The following SORCS2 variants were observed in gnomAD, a reference collection of about 807,000 sequenced individuals.
SORCS2 encodes VPS10 domain-containing receptor SorCS2.
SORCS2 carries 100 observed loss-of-function variants against 141.6 expected under a neutral mutation model. The observed-to-expected ratio is 0.71, with a 90% confidence interval of 0.60 to 0.83. The LOEUF (loss-of-function observed/expected upper bound fraction) is 0.83. Ranked by LOEUF, SORCS2 falls within the 40% of genes least tolerant of loss-of-function variation. The pLI, the probability that SORCS2 is intolerant of heterozygous loss-of-function variation, is 0.00. For synonymous variants in SORCS2, 789 were observed against 676.9 expected, an observed-to-expected ratio of 1.17 and a Z score of -2.57; for missense variants, 1,646 against 1,560.2, an observed-to-expected ratio of 1.05 and a Z score of -0.93.
chr4:7,374,599 G>A (rs562637501), intron 1 of SORCS2, among the ~76,000 whole-genome samples: 90 of 152,256 alleles, frequency 5.9e-4, no homozygotes, highest in African/African-American at 1.8e-3. Context: ...TCTGTGCCAC[G>A]TCCAGGCCTT....
chr4:7,738,706 C>G (rs546799137), intron 26 of SORCS2, among the ~76,000 whole-genome samples: 3 of 152,154 alleles, frequency 2.0e-5, no homozygotes, highest in Non-Finnish European at 4.4e-5. Flanking sequence ...AGAACGTGAG[C>G]GGCGGAAACC....
At chr4:7,726,727 C>G in intron 20 of SORCS2, 53 bp from the exon 21 acceptor site, 1 of 1,592,260 alleles carries the variant, frequency 6.3e-7, no homozygotes, top group African/African-American at 1.3e-5. Context: ...CAGCGTCCCC[C>G]ACGGCCGCTG....
rs144109830 is a variant in SORCS2, at chr4:7,576,433, C to T, written c.648+44804C>T. Among the ~76,000 whole-genome samples the T allele has an allele frequency of 4.0e-3, 615 of 152,318 alleles. 4 individuals are homozygous for T. Among genetic ancestry groups the T allele is most frequent in the African/African-American group, 0.014 (574 of 41,564 alleles). On this transcript the variant is annotated intron_variant, in intron 3 of 26. Transcript: ENST00000507866. ...TTTAGGAAAAGAAAGCGATAGGAAA[C>T]GACAAAGCAAGTCACAACAGCCATC...
intron 1 of SORCS2, among the ~76,000 whole-genome samples, chr4:7,293,302 TAAA>T (rs74517356): frequency 8.6e-5 from 11 of 127,544 alleles, no homozygotes; most frequent in Non-Finnish European, 6.8e-5. Flanking sequence ...AGACTCCATC[TAAA>T]AAAAAAAAAA....
chr4:7,416,948 GCACA>G (rs1333487491), intron 2 of SORCS2, among the ~76,000 whole-genome samples: 1 of 151,780 alleles, frequency 6.6e-6, no homozygotes. Context: ...ACATACTCTC[GCACA>G]CACACACCCA....
intron 12 of SORCS2, among the ~76,000 whole-genome samples, chr4:7,701,658 G>T (rs566167922): frequency 6.6e-6 from 1 of 152,180 alleles, no homozygotes; most frequent in Non-Finnish European, 1.5e-5. Flanking sequence ...AGGGCCAAGG[G>T]TGTGGCCTGC....
chr4:7,662,081 G>A (rs1402014267), intron 6 of SORCS2, among the ~76,000 whole-genome samples: 8 of 152,148 alleles, frequency 5.3e-5, no homozygotes, highest in East Asian at 3.9e-4. Context: ...GGCCAACCTC[G>A]GGGCCCGAGG....
At chr4:7,311,684 ATG>A (rs964570790) in intron 1 of SORCS2, among the ~76,000 whole-genome samples, 3 of 152,130 alleles carry the variant, frequency 2.0e-5, no homozygotes, top group Non-Finnish European at 4.4e-5. Context: ...TTTCCCATCC[ATG>A]TATATTCTTT....
intron 2 of SORCS2, among the ~76,000 whole-genome samples, chr4:7,474,463 ACT>A (rs1156669534): frequency 2.6e-5 from 4 of 151,980 alleles, no homozygotes; most frequent in African/African-American, 4.8e-5. Context: ...CCAGGTGAAG[ACT>A]CTGGGCCAGC....
At chr4:7,347,109 T>C (rs1258162290) in intron 1 of SORCS2, among the ~76,000 whole-genome samples, 1 of 152,200 alleles carries the variant, frequency 6.6e-6, no homozygotes, top group Non-Finnish European at 1.5e-5. Flanking sequence ...CACTTAGGTA[T>C]CATATCAGGA....
intron 3 of SORCS2, among the ~76,000 whole-genome samples, chr4:7,617,653 G>A (rs752346454): frequency 3.3e-5 from 5 of 152,204 alleles, no homozygotes; most frequent in African/African-American, 4.8e-5. Flanking sequence ...CATTTGAGTT[G>A]GCCTTTGGAG....
intron 5 of SORCS2, 82 bp downstream of exon 5, chr4:7,654,289 C>T (rs1721618292): frequency 1.5e-6 from 2 of 1,373,542 alleles, no homozygotes; most frequent in South Asian, 1.3e-5. Flanking sequence ...GGAGCCCATC[C>T]CTGCAGCTCC....
At chr4:7,420,318 C>G (rs552824053) in intron 2 of SORCS2, among the ~76,000 whole-genome samples, 11 of 152,226 alleles carry the variant, frequency 7.2e-5, no homozygotes, top group African/African-American at 2.4e-4. Flanking sequence ...GAGTCCCCAT[C>G]TGTAAAATGG....
At chr4:7,395,344 C>T (rs1724141030) in intron 1 of SORCS2, among the ~76,000 whole-genome samples, 1 of 152,194 alleles carries the variant, frequency 6.6e-6, no homozygotes. Flanking sequence ...AGGCTAACAG[C>T]TGCTCCAAAA....
At chr4:7,271,210 C>T (rs186467105) in intron 1 of SORCS2, among the ~76,000 whole-genome samples, 4 of 152,214 alleles carry the variant, frequency 2.6e-5, no homozygotes, top group Non-Finnish European at 5.9e-5. Context: ...AAACATCACC[C>T]TCTGCCCTGG....
intron 3 of SORCS2, among the ~76,000 whole-genome samples, chr4:7,580,359 G>A (rs1487925459): frequency 6.6e-6 from 1 of 152,056 alleles, no homozygotes; most frequent in Admixed American, 6.5e-5. Context: ...GCATGGTGGT[G>A]CACGTTTGTA....
intron 10 of SORCS2, among the ~76,000 whole-genome samples, chr4:7,687,449 G>A (rs1256700917): frequency 2.6e-5 from 4 of 152,160 alleles, no homozygotes; most frequent in Non-Finnish European, 4.4e-5. Flanking sequence ...ATTGCAGCGG[G>A]CAACGTCTTA....
At chr4:7,302,767 A>ATGTGTGTGTGTG (rs753375857) in intron 1 of SORCS2, among the ~76,000 whole-genome samples, 3,119 of 101,398 alleles carry the variant, frequency 0.031, 52 homozygotes, top group Non-Finnish European at 0.039. Context: ...GACAGTCCAC[A>ATGTGTGTGTGTG]TATGTGTGTG....
At chr4:7,597,250 G>A (rs1199414840) in intron 3 of SORCS2, among the ~76,000 whole-genome samples, 3 of 149,656 alleles carry the variant, frequency 2.0e-5, no homozygotes, top group African/African-American at 7.4e-5. Flanking sequence ...AGGAGGCTAC[G>A]CAATAGGGGG....
Sources: allele counts gnomAD v4.1 joint callset (sites outside exome capture counted in the v4.1 genomes callset), GRCh38; gene constraint gnomAD v4.1.1; transcripts MANE v1.5; gene names NCBI Gene and HGNC (gene_info 2026-07-23, HGNC 2026-07-21).